The following HDAC7 variants were observed in gnomAD, a reference collection of about 807,000 sequenced individuals.
The protein encoded by HDAC7 is histone deacetylase 7A.
In HDAC7, 26 loss-of-function variants were observed where a neutral mutation model predicts 115.5. The observed-to-expected ratio is 0.23, with a 90% CI of 0.16 to 0.31. The LOEUF is 0.31. Ranked by LOEUF, HDAC7 falls within the 10% of genes least tolerant of loss-of-function variation. The probability of loss-of-function intolerance (pLI) is 1.00; values close to 1 mark genes in which losing one functional copy is unlikely to be tolerated. For synonymous variants in HDAC7, 564 were observed against 550.9 expected (o/e 1.02, Z -0.33); for missense variants, 1,068 against 1,329.0 (o/e 0.80, Z 3.05).
intron 13 of HDAC7, chr12:47,792,766 A>T: frequency 2.3e-6 from 1 of 435,258 alleles, no homozygotes; most frequent in Admixed American, 2.5e-5. Context: ...ATCCCTCAGT[A>T]AAAATGAAAT....
chr12:47,788,180 G>A lies in HDAC7; in HGVS notation c.2236-16C>T. On this transcript the variant is annotated splice_polypyrimidine_tract_variant and intron_variant, in intron 19 of 25. Transcript: ENST00000080059. ...GGTGCACGTCCTGTGTAGGGAGACGGGCAGCGATTAGGGAAGGCAGAGAGA... is the reference window on the plus strand; with the variant it reads ...GGTGCACGTCCTGTGTAGGGAGACGAGCAGCGATTAGGGAAGGCAGAGAGA... The A allele has an allele frequency of 6.3e-7, 1 of 1,590,922 alleles. No individual in the cohort carries two copies. The highest frequency in any genetic ancestry group is 1.1e-5 in the South Asian group (1 of 87,992).
At chr12:47,789,751 C>T in intron 17 of HDAC7, 62 bp downstream of exon 17, 1 of 1,407,140 alleles carries the variant, frequency 7.1e-7, no homozygotes, top group Non-Finnish European at 1.0e-6. Context: ...GGCCTGGATT[C>T]CCCACTACCC....
At position 47,794,917 on chromosome 12, in the gene HDAC7, C is replaced by T. The variant is rs1943725305; in HGVS notation, c.1301G>A (p.Ser434Asn). 4 of 1,612,176 alleles carry T rather than the reference C, an allele frequency of 2.5e-6. No individual in the cohort carries two copies. Among genetic ancestry groups the T allele is most frequent in the Non-Finnish European group, 3.4e-6 (4 of 1,179,588 alleles). ...TATCTGCCGCAGCCGGGGCTTCTCA[C>T]TCGGCTTGGCTGACCTCTGGGGAGG... ...VQVIKRSAKP[S>N]EKPRLRQIPS... Residue 434 changes from serine (S) to asparagine (N), a missense_variant, in exon 12 of 26, where the codon AGT becomes AAT. This residue lies in a region of HDAC7 where 618 missense variants were observed against 701.5 expected (regional missense o/e 0.88). Coordinates refer to ENST00000080059, the MANE Select transcript of HDAC7 (RefSeq NM_015401.5).
At chr12:47,821,220 C>G (rs1055409877), upstream of HDAC7, among the ~76,000 whole-genome samples, 2 of 152,182 alleles carry the variant, frequency 1.3e-5, no homozygotes, top group African/African-American at 2.4e-5. Flanking sequence ...AAGCAAGAGC[C>G]CACAGTGGCC....
At chr12:47,813,766 C>T (rs2137067292) in intron 1 of HDAC7, among the ~76,000 whole-genome samples, 2 of 152,290 alleles carry the variant, frequency 1.3e-5, no homozygotes, top group South Asian at 2.1e-4. Flanking sequence ...GAGCAGCCTC[C>T]AGAGAGGCCC....
chr12:47,801,988 G>A (rs953062712), intron 2 of HDAC7, among the ~76,000 whole-genome samples: 4 of 152,056 alleles, frequency 2.6e-5, no homozygotes, highest in Admixed American at 1.3e-4. Flanking sequence ...AGGACAAGAC[G>A]GGCATCCTGT....
At position 47,792,388 on chromosome 12, in the gene HDAC7, G is replaced by A. The variant is rs76128021; in HGVS notation, c.1679-384C>T. ...GCCTAACGTACAGCATCTCACACACGTGTCATGAACCCAGAGAGGCTACCA... is the reference window on the plus strand; with the variant it reads ...GCCTAACGTACAGCATCTCACACACATGTCATGAACCCAGAGAGGCTACCA... On this transcript the variant is annotated intron_variant, in intron 13 of 25. Coordinates refer to ENST00000080059, the MANE Select transcript of HDAC7 (RefSeq NM_015401.5). 9.0e-3 allele frequency: 3,197 copies of A among 353,744 alleles called. 95 individuals are homozygous for A. The highest frequency in any genetic ancestry group is 0.062 in the African/African-American group (2,937 of 47,652). The allele number at this position is 353,744 out of a possible 1,614,324, so 21.9% of individuals were successfully genotyped here.
chr12:47,804,596 C>T (rs1944314149), intron 1 of HDAC7, among the ~76,000 whole-genome samples: 1 of 151,950 alleles, frequency 6.6e-6, no homozygotes, highest in Admixed American at 6.6e-5. Flanking sequence ...GGCTCTTTGC[C>T]AGGTTGGAGA....
chr12:47,785,468 C>G lies in HDAC7; in HGVS notation c.2710G>C (p.Asp904His). ...TTCCAGCCTTCTTCTGAAAGGGGAT[C>G]CACCTATAGAAAACAGTACATCAGC... ...CVAALLGNRV[D>H]PLSEEGWKQK... is the part of the protein sequence containing the mutation. The change falls in exon 24 of 26, where the codon GAT becomes CAT. Residue 904 changes from aspartate to histidine, a missense_variant. Transcript: ENST00000080059. 1 of 1,611,672 alleles carries G rather than the reference C, an allele frequency of 6.2e-7. No individual in the cohort carries two copies. The highest frequency in any genetic ancestry group is 8.5e-7 in the Non-Finnish European group (1 of 1,178,776).
chr12:47,787,509 T>C (rs1029166027), intron 21 of HDAC7, among the ~76,000 whole-genome samples: 5 of 152,386 alleles, frequency 3.3e-5, no homozygotes, highest in African/African-American at 1.2e-4. Flanking sequence ...ACATTGGCTC[T>C]CGGTAATGTA....
chr12:47,798,738 G>A lies in HDAC7; in HGVS notation c.258+47C>T, dbSNP rs747650370. On this transcript the variant is annotated intron_variant, in intron 3 of 25. Coordinates refer to ENST00000080059, the MANE Select transcript of HDAC7 (RefSeq NM_015401.5). The surrounding 1 kb of genome is among the most constrained non-coding windows in gnomAD (Gnocchi z 4.3). ...AGGGATGCTGAAGGCGGGGAGGCTG[G>A]GGACCAAGCTCAAGGTGGCCCCACA... is the stretch of plus-strand genomic sequence containing the variant. 3 of 1,557,346 alleles carry A rather than the reference G, an allele frequency of 1.9e-6. No individual in the cohort carries two copies. Among genetic ancestry groups the A allele is most frequent in the Non-Finnish European group, 2.6e-6 (3 of 1,149,454 alleles).
At chr12:47,816,297 T>C (rs1944848337) in intron 1 of HDAC7, among the ~76,000 whole-genome samples, 1 of 152,098 alleles carries the variant, frequency 6.6e-6, no homozygotes, top group Admixed American at 6.5e-5. Context: ...AGCCAGCATC[T>C]GGACTTCTAT....
chr12:47,806,635 G>A (rs1944415673), intron 1 of HDAC7, among the ~76,000 whole-genome samples: 1 of 152,166 alleles, frequency 6.6e-6, no homozygotes, highest in East Asian at 1.9e-4. Flanking sequence ...GCTGCAGTGA[G>A]CTGAGATTGC....
chr12:47,798,278 T>G lies in HDAC7; in HGVS notation c.350-59A>C. The G allele has an allele frequency of 2.3e-5, 30 of 1,294,262 alleles. No individual in the cohort carries two copies. The highest frequency in any genetic ancestry group is 3.0e-5 in the Non-Finnish European group (27 of 892,466). The allele number at this position is 1,294,262 out of a possible 1,614,324, so 80.2% of individuals were successfully genotyped here. On this transcript the variant is annotated intron_variant, in intron 4 of 25. Transcript: ENST00000080059. This position sits in a 1 kb window ranked among gnomAD's most constrained non-coding sequence, Gnocchi z 4.3. Reference sequence around the variant, plus strand: ...GGGTGGACAGGCGGCCTCGTGGCACTACCTGGCCACTGCCCTGTCCCCATC... The same window carrying G: ...GGGTGGACAGGCGGCCTCGTGGCACGACCTGGCCACTGCCCTGTCCCCATC...
At position 47,797,335 on chromosome 12, in the gene HDAC7, C is replaced by T; in HGVS notation, c.577+49G>A. The T allele has an allele frequency of 7.2e-7, 1 of 1,389,144 alleles. No homozygotes were observed. Among genetic ancestry groups the T allele is most frequent in the East Asian group, 2.4e-5 (1 of 42,078 alleles). 86.1% of individuals were successfully genotyped at this position (1,389,144 alleles called of 1,614,324 possible). On this transcript the variant is annotated intron_variant, in intron 6 of 25. Transcript: ENST00000080059. This position sits in a 1 kb window ranked among gnomAD's most constrained non-coding sequence, Gnocchi z 5.5. ...GCACACTCCTCCCCCATGTCCGAGG[C>T]CCTTCCCCCTTCCTTTGCCTGAAAG... is the stretch of plus-strand genomic sequence containing the variant.
Position 47,795,935 on chromosome 12 carries a change from T to C in HDAC7, c.877A>G (p.Ile293Val), listed in dbSNP as rs768033472. Residue 293 changes from isoleucine to valine, a missense_variant, in exon 9 of 26, where the codon ATC (isoleucine) becomes GTC (valine). Coordinates refer to ENST00000080059, the MANE Select transcript of HDAC7 (RefSeq NM_015401.5). The surrounding 1 kb of genome is among the most constrained non-coding windows in gnomAD (Gnocchi z 4.3). ...GCAGGGGCGGGCAGCCCCAGAGTGA[T>C]TGCGGGCAGCAAGGACACTGTCGGC... Reference protein sequence around the residue: ...ALPTVSLLPAITLGLPAPARA... With the variant: ...ALPTVSLLPAVTLGLPAPARA... 1.3e-6 allele frequency: 2 copies of C among 1,550,916 alleles called. No individual in the cohort carries two copies. The highest frequency in any genetic ancestry group is 1.7e-6 in the Non-Finnish European group (2 of 1,148,038).
chr12:47,796,294 G>A lies in HDAC7; in HGVS notation c.708C>T (p.Ser236=). The change falls in exon 8 of 26, where the codon TCC becomes TCT. Residue 236 remains serine, a synonymous_variant. Coordinates refer to ENST00000080059, the MANE Select transcript of HDAC7 (RefSeq NM_015401.5). ...RRRPAETLGD[S]SPSSSSTPAS... The stretch of plus-strand genomic sequence containing the variant: ...CGGGCGTGCTGCTACTACTTGGGGA[G>A]GAGTCTGAGGGTTGGGGAGAGAGGG... 1 of 1,596,108 alleles carries A rather than the reference G, an allele frequency of 6.3e-7. No individual in the cohort carries two copies.
intron 16 of HDAC7, 200 bp downstream of exon 16, chr12:47,791,059 C>T (rs1943470121): frequency 2.6e-5 from 16 of 620,590 alleles, no homozygotes; most frequent in South Asian, 1.1e-4. Context: ...ACTCCGCATT[C>T]GGGGGAGACT....
At chr12:47,799,888 G>A (rs1299585895) in intron 2 of HDAC7, among the ~76,000 whole-genome samples, 1 of 152,250 alleles carries the variant, frequency 6.6e-6, no homozygotes, top group Non-Finnish European at 1.5e-5. Flanking sequence ...AGAAGGGGAA[G>A]TGGGTGGGGT....
Sources: allele counts gnomAD v4.1 joint callset (sites outside exome capture counted in the v4.1 genomes callset), GRCh38; gene constraint gnomAD v4.1.1; regional missense constraint gnomAD v4.1.1; non-coding constraint Gnocchi (gnomAD v3.1); transcripts MANE v1.5; gene names NCBI Gene and HGNC (gene_info 2026-07-23, HGNC 2026-07-21).